The following IL10RB variants were observed in gnomAD, a reference collection of about 807,000 sequenced individuals.
IL10RB encodes interleukin-10 receptor subunit beta.
A neutral mutation model predicts 38.7 loss-of-function variants in IL10RB; 30 were observed. The ratio of observed to expected loss-of-function variants is 0.78; its 90% CI spans 0.58 to 1.05. IL10RB has a LOEUF of 1.05. Ranked by LOEUF, IL10RB falls within the 50% of genes least tolerant of loss-of-function variation. IL10RB has a pLI of 0.00. For missense variants in IL10RB, 328 were observed against 397.1 expected, an observed-to-expected ratio of 0.83 and a Z score of 1.48; for synonymous variants, 142 against 145.9, an observed-to-expected ratio of 0.97 and a Z score of 0.19.
At chr21:33,274,619 A>T (rs1399432283) in intron 2 of IL10RB, among the ~76,000 whole-genome samples, 1 of 152,244 alleles carries the variant, frequency 6.6e-6, no homozygotes, top group Non-Finnish European at 1.5e-5. Flanking sequence ...GGAACCAGGT[A>T]CATTGTCAAT....
intron 2 of IL10RB, among the ~76,000 whole-genome samples, chr21:33,269,006 A>G (rs1194585740): frequency 6.6e-6 from 1 of 152,144 alleles, no homozygotes; most frequent in African/African-American, 2.4e-5. Flanking sequence ...CCTCCAATGG[A>G]TTATAACATC....
intron 2 of IL10RB, among the ~76,000 whole-genome samples, chr21:33,276,184 A>G (rs2123572932): frequency 6.6e-6 from 1 of 152,352 alleles, no homozygotes; most frequent in South Asian, 2.1e-4. Context: ...GAAAAGGTAC[A>G]GTAAAAATAC....
At chr21:33,299,127 C>T (rs1275557357), downstream of IL10RB, among the ~76,000 whole-genome samples, 1 of 152,050 alleles carries the variant, frequency 6.6e-6, no homozygotes, top group Non-Finnish European at 1.5e-5. Context: ...CACTCGCACC[C>T]CCTCCCTCTG....
intron 6 of IL10RB, 116 bp downstream of exon 6, chr21:33,288,377 G>GCACACA (rs1055659572): frequency 1.4e-6 from 1 of 719,358 alleles, no homozygotes. Context: ...ACACACGCGC[G>GCACACA]CGCGCACACA....
At chr21:33,268,121 C>A in intron 1 of IL10RB, 1 of 861,592 alleles carries the variant, frequency 1.2e-6, no homozygotes, top group Non-Finnish European at 1.7e-6. Flanking sequence ...TCCATGTGCC[C>A]ACCCTACCCC....
Position 33,284,984 on chromosome 21 carries a change from G to A in IL10RB, c.646+1743G>A, listed in dbSNP as rs549381987. 1.3e-3 allele frequency among the ~76,000 whole-genome samples: 192 copies of A among 152,240 alleles called. 1 individual carries two copies. Among genetic ancestry groups the A allele is most frequent in the African/African-American group, 4.3e-3 (178 of 41,532 alleles). ...GATCTTGGCACAACCTCCGCCTCCT[G>A]GGTTCAAGCAATTCTACTGCCTCAG... On this transcript the variant is annotated intron_variant, in intron 5 of 6. Transcript: ENST00000290200.
chr21:33,282,478 T>C (rs1682395577), intron 4 of IL10RB, among the ~76,000 whole-genome samples: 1 of 152,208 alleles, frequency 6.6e-6, no homozygotes, highest in Non-Finnish European at 1.5e-5. Context: ...GAGGTTGCAG[T>C]GAGCCATGAT....
chr21:33,292,938 C>T (rs1298553483), intron 6 of IL10RB, among the ~76,000 whole-genome samples: 1 of 152,186 alleles, frequency 6.6e-6, no homozygotes, highest in Non-Finnish European at 1.5e-5. Flanking sequence ...CCAGCAGCCT[C>T]CTGTGTGGTT....
intron 2 of IL10RB, among the ~76,000 whole-genome samples, chr21:33,269,029 C>T (rs1447858960): frequency 2.0e-5 from 3 of 152,170 alleles, no homozygotes; most frequent in East Asian, 3.8e-4. Context: ...GCCCCAGTGC[C>T]ATGCGCGATG....
chr21:33,271,391 T>G (rs912791037), intron 2 of IL10RB, among the ~76,000 whole-genome samples: 11 of 152,102 alleles, frequency 7.2e-5, no homozygotes, highest in African/African-American at 1.9e-4. Flanking sequence ...TGGGTCATAT[T>G]ACCTATTTAA....
At chr21:33,266,798 T>C (rs888707496) in intron 1 of IL10RB, among the ~76,000 whole-genome samples, 1 of 152,092 alleles carries the variant, frequency 6.6e-6, no homozygotes, top group Admixed American at 6.5e-5. Context: ...CTCCTGCAGC[T>C]CTCTGCTGGC....
At chr21:33,276,836 A>G in intron 3 of IL10RB, 83 bp downstream of exon 3, 1 of 1,164,110 alleles carries the variant, frequency 8.6e-7, no homozygotes, top group South Asian at 1.3e-5. Context: ...ATCAACAAGA[A>G]TTCTTTGAGG....
intron 1 of IL10RB, chr21:33,308,361 A>G (rs1465792555): frequency 6.6e-6 from 1 of 152,236 alleles, no homozygotes; most frequent in Admixed American, 6.5e-5. Flanking sequence ...AAAGATTCTA[A>G]ACTTCACAAC....
chr21:33,273,665 C>G (rs1202404805), intron 2 of IL10RB, among the ~76,000 whole-genome samples: 1 of 152,250 alleles, frequency 6.6e-6, no homozygotes, highest in East Asian at 1.9e-4. Flanking sequence ...TAGCATTTTA[C>G]TCACAGAAGA....
intron 3 of IL10RB, among the ~76,000 whole-genome samples, chr21:33,278,165 C>T (rs1233399980): frequency 1.3e-5 from 2 of 151,930 alleles, no homozygotes; most frequent in Non-Finnish European, 2.9e-5. Context: ...TGCAGTGAGC[C>T]ATTATCACAC....
intron 6 of IL10RB, among the ~76,000 whole-genome samples, chr21:33,291,890 G>A (rs779811633): frequency 7.9e-5 from 12 of 152,132 alleles, no homozygotes; most frequent in Admixed American, 7.2e-4. Context: ...GGGAGTGGGA[G>A]CCCCTTCTTT....
chr21:33,294,276 G>A (rs8178557), intron 6 of IL10RB: 23 of 324,694 alleles, frequency 7.1e-5, no homozygotes, highest in Middle Eastern at 1.2e-3. Context: ...GGATCATTTC[G>A]AGTTCAGGGA....
chr21:33,305,759 G>T (rs905384642), intron 1 of IL10RB, among the ~76,000 whole-genome samples: 24 of 152,238 alleles, frequency 1.6e-4, no homozygotes, highest in African/African-American at 4.8e-4. Flanking sequence ...CTCTGATCTT[G>T]GGCTGATGCC....
chr21:33,282,481 G>C (rs1475335682), intron 4 of IL10RB, among the ~76,000 whole-genome samples: 2 of 152,208 alleles, frequency 1.3e-5, no homozygotes, highest in Non-Finnish European at 2.9e-5. Flanking sequence ...GTTGCAGTGA[G>C]CCATGATCGT....
Sources: allele counts gnomAD v4.1 joint callset (sites outside exome capture counted in the v4.1 genomes callset), GRCh38; gene constraint gnomAD v4.1.1; transcripts MANE v1.5; gene names NCBI Gene and HGNC (gene_info 2026-07-23, HGNC 2026-07-21).